MAP4K1: variants seen among roughly 807,000 people sequenced by gnomAD.
MAP4K1 encodes mitogen-activated protein kinase kinase kinase kinase 1.
Under a neutral mutation model 122.8 loss-of-function variants are expected in MAP4K1, and 35 were observed. That is an observed-to-expected ratio of 0.29 (90% CI 0.22 to 0.38). The LOEUF (loss-of-function observed/expected upper bound fraction) is 0.38, where lower values mean the gene tolerates loss of function less well. Among genes scored for constraint, MAP4K1 ranks in the 10% least tolerant of loss-of-function variants. The pLI is 1.00. For synonymous variants in MAP4K1, 412 were observed against 421.3 expected (o/e 0.98, Z 0.27); for missense variants, 791 against 1,072.6 (o/e 0.74, Z 3.67).
chr19:38,602,701 T>C (rs985018512), intron 19 of MAP4K1, among the ~76,000 whole-genome samples: 6 of 147,636 alleles, frequency 4.1e-5, no homozygotes, highest in African/African-American at 1.3e-4. Context: ...TACACACATA[T>C]ACATGTATAC....
At chr19:38,596,884 G>T in intron 25 of MAP4K1, 150 bp downstream of exon 25, 1 of 721,472 alleles carries the variant, frequency 1.4e-6, no homozygotes. Context: ...GAGGCTCCAA[G>T]CGCAGACCGC....
At chr19:38,605,846 C>A (rs1009777956) in intron 17 of MAP4K1, 116 bp from the exon 18 acceptor site, 8 of 1,001,350 alleles carry the variant, frequency 8.0e-6, no homozygotes, top group Non-Finnish European at 1.0e-5. Context: ...TCTGACCCAC[C>A]CCCCCGACAA....
chr19:38,602,881 C>T (rs1975150805), intron 19 of MAP4K1, among the ~76,000 whole-genome samples: 1 of 147,044 alleles, frequency 6.8e-6, no homozygotes, highest in East Asian at 2.1e-4. Context: ...TACATATATA[C>T]TTATATACAC....
intron 30 of MAP4K1, 100 bp from the exon 31 acceptor site, chr19:38,587,917 T>G: frequency 1.1e-6 from 1 of 915,886 alleles, no homozygotes; most frequent in Non-Finnish European, 1.8e-6. Flanking sequence ...AGCCCCATGC[T>G]GAACTATAGC....
At chr19:38,608,416 G>C (rs1975395035) in intron 13 of MAP4K1, among the ~76,000 whole-genome samples, 3 of 152,034 alleles carry the variant, frequency 2.0e-5, no homozygotes, top group African/African-American at 7.3e-5. Context: ...ACTTTGGAAG[G>C]CTGAGGTGGG....
chr19:38,616,204 T>C lies in MAP4K1; in HGVS notation c.304A>G (p.Ile102Val). The C allele has an allele frequency of 6.2e-7, 1 of 1,613,264 alleles. No homozygotes were observed. Among genetic ancestry groups the C allele is most frequent in the Non-Finnish European group, 8.5e-7 (1 of 1,179,772 alleles). ...TTGTCCTTTCTCTAACCTTGGTAGA[T>C]GTCCTGGAGAGAACCAGCCCCACAG... ...EFCGAGSLQD[I>V]YQVTGSLSEL... is the part of the protein sequence containing the mutation. Residue 102 changes from isoleucine to valine, a missense_variant, in exon 4 of 31, where the codon ATC (isoleucine) becomes GTC (valine). Coordinates refer to ENST00000396857, the MANE Select transcript of MAP4K1 (RefSeq NM_001042600.3).
intron 8 of MAP4K1, among the ~76,000 whole-genome samples, chr19:38,613,476 G>A (rs949825421): frequency 2.0e-5 from 3 of 151,914 alleles, no homozygotes; most frequent in Non-Finnish European, 2.9e-5. Context: ...AGTGAGCCGT[G>A]ACTATGCCAC....
At chr19:38,614,843 A>C (rs1975600261) in intron 4 of MAP4K1, 1 of 190,034 alleles carries the variant, frequency 5.3e-6, no homozygotes, top group Admixed American at 5.9e-5. Flanking sequence ...AATCGTTTGA[A>C]CCCAGGAGGT....
intron 19 of MAP4K1, among the ~76,000 whole-genome samples, chr19:38,603,394 A>C (rs545065987): frequency 1.3e-5 from 2 of 149,790 alleles, no homozygotes; most frequent in African/African-American, 4.9e-5. Flanking sequence ...ATGTACATAT[A>C]TATGCATATA....
rs1197525781 is a variant in MAP4K1, at chr19:38,606,193, G to C, written c.1180C>G (p.Pro394Ala). Residue 394 changes from proline (P) to alanine (A), a missense_variant, in exon 17 of 31, where the codon CCT becomes GCT. Physicochemically the swap from Pro to Ala is conservative, Grantham distance 27. Around this residue, in one of 4 missense-constraint regions of MAP4K1, gnomAD observed 303 missense variants for 344.8 expected, o/e 0.88. Coordinates refer to ENST00000396857, the MANE Select transcript of MAP4K1 (RefSeq NM_001042600.3). ...CTTACCTTGGGGGGAAGTGGAGGAG[G>C]TGTGTCCTCTGCAGGGGTGGGGCTG... The part of the protein sequence containing the change: ...VDIPTPAEDT[P>A]PPLPPKPKFR... 2.5e-6 allele frequency: 4 copies of C among 1,574,694 alleles called. No individual in the cohort carries two copies. The highest frequency in any genetic ancestry group is 2.6e-6 in the Non-Finnish European group (3 of 1,164,138).
intron 27 of MAP4K1, 43 bp from the exon 28 acceptor site, chr19:38,595,772 A>G (rs1202502082): frequency 2.0e-5 from 31 of 1,540,692 alleles, no homozygotes; most frequent in Non-Finnish European, 2.8e-5. Flanking sequence ...AGCAAGGCTT[A>G]GAGGGTTACT....
chr19:38,615,282 G>A (rs941795556), intron 4 of MAP4K1, among the ~76,000 whole-genome samples: 22 of 151,888 alleles, frequency 1.4e-4, no homozygotes, highest in Admixed American at 2.0e-4. Context: ...AGCATGGGGT[G>A]GACCCTGATG....
At chr19:38,595,777 G>A (rs777036888) in intron 27 of MAP4K1, 48 bp from the exon 28 acceptor site, 1 of 1,520,582 alleles carries the variant, frequency 6.6e-7, no homozygotes, top group African/African-American at 1.4e-5. Flanking sequence ...GGCTTAGAGG[G>A]TTACTAAGGG....
chr19:38,612,530 G>A, intron 9 of MAP4K1, 81 bp downstream of exon 9: 1 of 1,422,254 alleles, frequency 7.0e-7, no homozygotes, highest in Non-Finnish European at 9.4e-7. Flanking sequence ...AGGTTCCTGG[G>A]ATGGAAGGCG....
chr19:38,589,508 C>T (rs1183689511), intron 30 of MAP4K1, among the ~76,000 whole-genome samples: 2 of 150,954 alleles, frequency 1.3e-5, no homozygotes, highest in African/African-American at 2.4e-5. Flanking sequence ...CTCCGCCTCC[C>T]GGGTTCAAGC....
At chr19:38,604,569 T>G (rs1257924021) in intron 19 of MAP4K1, among the ~76,000 whole-genome samples, 1 of 151,452 alleles carries the variant, frequency 6.6e-6, no homozygotes, top group African/African-American at 2.4e-5. Context: ...GGCGGGCAGA[T>G]CACAAGGTCA....
Position 38,617,592 on chromosome 19 carries a change from G to T in MAP4K1, c.133C>A (p.Leu45Met). Residue 45 changes from leucine to methionine, a missense_variant, in exon 2 of 31, where the codon CTG becomes ATG. Physicochemically the swap from Leu to Met is conservative, Grantham distance 15. Coordinates refer to ENST00000396857, the MANE Select transcript of MAP4K1 (RefSeq NM_001042600.3). The surrounding 1 kb of genome is among the most constrained non-coding windows in gnomAD (Gnocchi z 4.1). ...RDKVSGDLVALKMVKMEPDDD... is the reference protein window; with the variant it reads ...RDKVSGDLVAMKMVKMEPDDD... ...CCAGGCTCCATCTTCACCATCTTCA[G>T]TGCCACCAGGTCCCCTGACACCTTG... is the stretch of plus-strand genomic sequence containing the variant. The T allele has an allele frequency of 1.2e-6, 2 of 1,614,082 alleles. No individual in the cohort carries two copies. The highest frequency in any genetic ancestry group is 1.1e-5 in the South Asian group (1 of 91,080).
chr19:38,607,488 G>A (rs1288646841), intron 16 of MAP4K1, among the ~76,000 whole-genome samples: 2 of 150,300 alleles, frequency 1.3e-5, no homozygotes, highest in East Asian at 3.9e-4. Context: ...TGAACCCGGG[G>A]AGCCGAGGTT....
In MAP4K1 at chr19:38,614,698, A is replaced by G. The variant is rs979161479; in HGVS notation, c.314-253T>C. On this transcript the variant is annotated intron_variant, in intron 4 of 30. Coordinates refer to ENST00000396857, the MANE Select transcript of MAP4K1 (RefSeq NM_001042600.3). ...CACTTTGGGAGGCCAAGGTGGGTGG[A>G]TCACTTGAGGTCAGGAGTCCGAGAC... The G allele has an allele frequency of 1.3e-5, 7 of 531,534 alleles. No individual in the cohort carries two copies. In the African/African-American group the frequency reaches 1.3e-4, roughly 10 times the overall value. The allele number at this position is 531,534 out of a possible 1,614,324, so 32.9% of individuals were successfully genotyped here.
Sources: allele counts gnomAD v4.1 joint callset (sites outside exome capture counted in the v4.1 genomes callset), GRCh38; gene constraint gnomAD v4.1.1; regional missense constraint gnomAD v4.1.1; non-coding constraint Gnocchi (gnomAD v3.1); transcripts MANE v1.5; gene names NCBI Gene and HGNC (gene_info 2026-07-23, HGNC 2026-07-21).